Variants in SPACA7 observed in about 807,000 individuals in gnomAD.
SPACA7 encodes the protein sperm acrosome-associated protein 7.
Under a neutral mutation model 26.3 loss-of-function variants are expected in SPACA7, and 19 were observed. The ratio of observed to expected loss-of-function variants is 0.72; its 90% CI spans 0.50 to 1.06. The LOEUF (loss-of-function observed/expected upper bound fraction) is 1.06. SPACA7 is among the 50% of genes least tolerant of loss of function. SPACA7 has a pLI of 0.00. For missense variants in SPACA7, 211 were observed against 229.9 expected (o/e 0.92, Z 0.53); for synonymous variants, 84 against 84.5 (o/e 0.99, Z 0.04).
chr13:112,408,121 A>G (rs533450298), intron 5 of SPACA7, among the ~76,000 whole-genome samples: 2 of 152,334 alleles, frequency 1.3e-5, no homozygotes, highest in East Asian at 3.9e-4. Context: ...AAAAAACCAC[A>G]TGATTATCTC....
At chr13:112,411,869 CGTTTGGTCTATTGTAAAT>C (rs1253330434) in intron 5 of SPACA7, among the ~76,000 whole-genome samples, 1 of 152,126 alleles carries the variant, frequency 6.6e-6, no homozygotes, top group Non-Finnish European at 1.5e-5. Context: ...GTTGATACCA[CGTTTGGTCTATTGTAAAT>C]AGAACTGCAA....
intron 1 of SPACA7, among the ~76,000 whole-genome samples, chr13:112,379,634 T>C (rs1023579433): frequency 2.0e-5 from 3 of 152,232 alleles, no homozygotes; most frequent in Non-Finnish European, 2.9e-5. Context: ...TAAAGAAGGT[T>C]AAACATCCCT....
At chr13:112,410,372 A>AT (rs1555328390) in intron 5 of SPACA7, among the ~76,000 whole-genome samples, 3,314 of 151,550 alleles carry the variant, frequency 0.022, 114 homozygotes, top group African/African-American at 0.075. Flanking sequence ...CAATTAAAAA[A>AT]ATATATATAT....
At chr13:112,406,497 TAA>T (rs1351296489) in intron 5 of SPACA7, among the ~76,000 whole-genome samples, 1 of 152,194 alleles carries the variant, frequency 6.6e-6, no homozygotes, top group Admixed American at 6.5e-5. Flanking sequence ...GAATGTATTT[TAA>T]AAACTCCTAA....
chr13:112,383,137 G>GA lies in SPACA7; in HGVS notation c.94+6661dup, dbSNP rs57972073. 7.5e-3 allele frequency among the ~76,000 whole-genome samples: 96 copies of GA among 12,812 alleles called. 1 individual carries two copies. The highest frequency in any genetic ancestry group is 0.022 in the African/African-American group (92 of 4,138). 8.4% of individuals were successfully genotyped at this position (12,812 alleles called of 152,430 possible). A position where few individuals can be genotyped will look rare whatever the true frequency, so the allele number is the denominator to read the frequency against. On this transcript the variant is annotated intron_variant, in intron 1 of 6. Transcript: ENST00000283550. ...AAAGAAAAGAAAAGAAAGAAAGAAAGAAAGAAAGAAAGAAAGAAAGAAAGA... is the reference window on the plus strand; with the variant it reads ...AAAGAAAAGAAAAGAAAGAAAGAAAGAAAAGAAAGAAAGAAAGAAAGAAAGA...
intron 5 of SPACA7, among the ~76,000 whole-genome samples, chr13:112,416,096 T>C (rs1162929054): frequency 6.6e-6 from 1 of 151,992 alleles, no homozygotes; most frequent in African/African-American, 2.4e-5. Flanking sequence ...TCCTACCTTC[T>C]TCAATGTGTC....
intron 1 of SPACA7, among the ~76,000 whole-genome samples, chr13:112,379,765 C>G (rs1388992317): frequency 6.6e-6 from 1 of 152,136 alleles, no homozygotes; most frequent in Non-Finnish European, 1.5e-5. Flanking sequence ...TCTGGGAAAT[C>G]TCAAAATTAG....
chr13:112,428,271 A>G (rs1055534283), intron 5 of SPACA7, among the ~76,000 whole-genome samples: 1 of 152,170 alleles, frequency 6.6e-6, no homozygotes, highest in Admixed American at 6.5e-5. Flanking sequence ...TCTTTGATCC[A>G]TAGGTTGTTT....
intron 2 of SPACA7, among the ~76,000 whole-genome samples, chr13:112,396,572 G>T (rs1282853278): frequency 2.0e-5 from 3 of 152,308 alleles, no homozygotes; most frequent in South Asian, 4.1e-4. Context: ...TCAGAAGAGT[G>T]CCCAGTAAAT....
Position 112,393,006 on chromosome 13 carries a change from T to C in SPACA7, c.95-15T>C. ...ATGAACATTGTTAAACTGTAGGGTT[T>C]TTATTTCCTTCTAGGTTCACCTACT... is the stretch of plus-strand genomic sequence containing the variant. On this transcript the variant is annotated splice_polypyrimidine_tract_variant and intron_variant, in intron 1 of 6. Coordinates refer to ENST00000283550, the MANE Select transcript of SPACA7 (RefSeq NM_145248.5). 1 of 1,605,600 alleles carries C rather than the reference T, an allele frequency of 6.2e-7. No individual in the cohort carries two copies. Among genetic ancestry groups the C allele is most frequent in the Non-Finnish European group, 8.5e-7 (1 of 1,173,582 alleles).
At chr13:112,432,326 T>A in intron 5 of SPACA7, 118 bp from the exon 6 acceptor site, 2 of 724,020 alleles carry the variant, frequency 2.8e-6, no homozygotes, top group Non-Finnish European at 4.8e-6. Flanking sequence ...CCCCGCTTGC[T>A]CTGTGCGTGG....
At chr13:112,415,661 C>G (rs531007359) in intron 5 of SPACA7, among the ~76,000 whole-genome samples, 2 of 152,240 alleles carry the variant, frequency 1.3e-5, no homozygotes, top group East Asian at 3.9e-4. Context: ...CTTCTATGGC[C>G]CCTGCATCTG....
chr13:112,424,354 C>T (rs1876316989), intron 5 of SPACA7, among the ~76,000 whole-genome samples: 1 of 152,186 alleles, frequency 6.6e-6, no homozygotes, highest in African/African-American at 2.4e-5. Context: ...GCTTCTTCCC[C>T]AGTTACGGCT....
At position 112,424,415 on chromosome 13, in the gene SPACA7, C is replaced by A. The variant is rs75635454; in HGVS notation, c.446-8029C>A. Among the ~76,000 whole-genome samples the A allele has an allele frequency of 3.3e-3, 502 of 152,158 alleles. 1 individual carries two copies. Among genetic ancestry groups the A allele is most frequent in the African/African-American group, 0.012 (480 of 41,528 alleles). ...GGATGCGTCAGGAATGAGAGCTGGC[C>A]CGGGCCAGGGAGGATCTGGATGATC... On this transcript the variant is annotated intron_variant, in intron 5 of 6. Coordinates refer to ENST00000283550, the MANE Select transcript of SPACA7 (RefSeq NM_145248.5).
At chr13:112,426,144 G>A (rs1876513999) in intron 5 of SPACA7, among the ~76,000 whole-genome samples, 1 of 152,214 alleles carries the variant, frequency 6.6e-6, no homozygotes, top group Non-Finnish European at 1.5e-5. Context: ...GCATATTCAT[G>A]TCCAATTGTT....
rs1459893174 is a variant in SPACA7 at position 112,382,277 on chromosome 13, G to C, written c.94+5798G>C. ...GTTTTGTTTTGTTTTGTTTTTGACA[G>C]AGTCTCACTCTGTTGCCAGACTGGA... On this transcript the variant is annotated intron_variant, in intron 1 of 6. Transcript: ENST00000283550. The C allele has an allele frequency of 2.8e-5, 17 of 616,288 alleles. No individual in the cohort carries two copies. The African/African-American group carries it at 3.0e-4, about 11-fold the overall frequency. The allele number at this position is 616,288 out of a possible 1,614,324, so 38.2% of individuals were successfully genotyped here.
At chr13:112,396,238 T>A (rs1435987609) in intron 2 of SPACA7, among the ~76,000 whole-genome samples, 3 of 151,240 alleles carry the variant, frequency 2.0e-5, no homozygotes, top group Admixed American at 2.0e-4. Flanking sequence ...AGATGGAGAG[T>A]TGCAGAGACA....
intron 5 of SPACA7, among the ~76,000 whole-genome samples, chr13:112,413,370 T>TG (rs1398588393): frequency 8.0e-6 from 1 of 124,988 alleles, no homozygotes; most frequent in Admixed American, 7.5e-5. Flanking sequence ...GAAGAGTTGT[T>TG]TTTTTTTTTC....
At chr13:112,419,332 G>C (rs996712493) in intron 5 of SPACA7, among the ~76,000 whole-genome samples, 2 of 152,126 alleles carry the variant, frequency 1.3e-5, no homozygotes, top group Non-Finnish European at 2.9e-5. Flanking sequence ...GGCACAAGGG[G>C]GCTTGCACTC....
Sources: allele counts gnomAD v4.1 joint callset (sites outside exome capture counted in the v4.1 genomes callset), GRCh38; gene constraint gnomAD v4.1.1; transcripts MANE v1.5; gene names NCBI Gene and HGNC (gene_info 2026-07-23, HGNC 2026-07-21).